Variants in NRG1 observed in about 807,000 individuals in gnomAD.
NRG1 encodes pro-neuregulin-1, membrane-bound isoform.
A neutral mutation model predicts 63.8 loss-of-function variants in NRG1; 18 were observed. The ratio of observed to expected loss-of-function variants is 0.28; its 90% confidence interval spans 0.19 to 0.42. The LOEUF is 0.42. NRG1 is among the 10% of genes least tolerant of loss of function. NRG1 has a pLI of 1.00. For missense variants in NRG1, 762 were observed against 814.7 expected (o/e 0.94, Z 0.79); for synonymous variants, 302 against 301.3 (o/e 1.00, Z -0.02).
chr8:32,510,561 A>G (rs992193397), intron 1 of NRG1, among the ~76,000 whole-genome samples: 1 of 152,084 alleles, frequency 6.6e-6, no homozygotes, highest in Non-Finnish European at 1.5e-5. Context: ...ATGGAACATC[A>G]CCTCTATTCC....
intron 1 of NRG1, among the ~76,000 whole-genome samples, chr8:32,016,493 A>G (rs1815560903): frequency 6.6e-6 from 1 of 152,208 alleles, no homozygotes; most frequent in South Asian, 2.1e-4. Flanking sequence ...GTTTTGACCA[A>G]TATAATTCAG....
chr8:32,357,099 T>A (rs993807561), intron 1 of NRG1, among the ~76,000 whole-genome samples: 3 of 152,116 alleles, frequency 2.0e-5, no homozygotes, highest in African/African-American at 7.2e-5. Flanking sequence ...GAGGCTGGCC[T>A]GGGGGAAAAG....
chr8:31,876,666 T>G (rs897510337), intron 1 of NRG1, among the ~76,000 whole-genome samples: 1 of 152,138 alleles, frequency 6.6e-6, no homozygotes, highest in African/African-American at 2.4e-5. Flanking sequence ...TAATAAATAT[T>G]GCTTGGGAGG....
At chr8:32,314,116 T>G (rs1372434683) in intron 1 of NRG1, among the ~76,000 whole-genome samples, 1 of 152,044 alleles carries the variant, frequency 6.6e-6, no homozygotes, top group Non-Finnish European at 1.5e-5. Context: ...TCTGTTTGGT[T>G]GCACTTAGCC....
chr8:32,337,296 T>G (rs1463662198), intron 1 of NRG1, among the ~76,000 whole-genome samples: 3 of 152,078 alleles, frequency 2.0e-5, no homozygotes, highest in African/African-American at 4.8e-5. Context: ...CATACATGAA[T>G]GCACCTGGCC....
chr8:32,083,340 T>C (rs4733293), intron 1 of NRG1, among the ~76,000 whole-genome samples: 148,026 of 152,318 alleles, frequency 0.97, 72,073 homozygotes, highest in East Asian at 1. Flanking sequence ...GTGTGTTGGG[T>C]TGGCCTTGCA....
chr8:31,959,683 G>T lies in NRG1; in HGVS notation c.37+320252G>T, dbSNP rs534670538. 3.3e-5 allele frequency among the ~76,000 whole-genome samples: 5 copies of T among 152,030 alleles called. No individual in the cohort carries two copies. In the South Asian group the frequency reaches 8.3e-4, roughly 25 times the overall value. ...TAAGCATTTTGAAATATTAAGCATA[G>T]CCTGCTGGCCCCAAATGACATTTTT... On this transcript the variant is annotated intron_variant, in intron 1 of 10. Coordinates refer to the NRG1 transcript ENST00000519301.
intron 1 of NRG1, among the ~76,000 whole-genome samples, chr8:32,540,971 A>G (rs1051798740): frequency 1.3e-5 from 2 of 152,210 alleles, no homozygotes; most frequent in African/African-American, 4.8e-5. Flanking sequence ...ATCATCTTTA[A>G]AAGATGACTT....
chr8:31,840,386 C>T (rs1246085838), intron 1 of NRG1, among the ~76,000 whole-genome samples: 1 of 115,292 alleles, frequency 8.7e-6, no homozygotes, highest in African/African-American at 3.3e-5. Context: ...TAAATGGAAA[C>T]CATTACAATT....
rs544516488 is a variant in NRG1, at chr8:32,654,648, C to G, written c.502+37763C>G. Reference sequence around the variant, plus strand: ...TGCCTCAAAAAAAAAATAATTTTACCTTTATAATATTGATATGTATAAGAC... The same window carrying G: ...TGCCTCAAAAAAAAAATAATTTTACGTTTATAATATTGATATGTATAAGAC... On this transcript the variant is annotated intron_variant, in intron 5 of 11. Transcript: ENST00000356819. 3.8e-3 allele frequency among the ~76,000 whole-genome samples: 274 copies of G among 72,678 alleles called. 1 individual carries two copies. The highest frequency in any genetic ancestry group is 0.012 in the African/African-American group (261 of 21,468). 47.7% of individuals were successfully genotyped at this position (72,678 alleles called of 152,430 possible). A position where few individuals can be genotyped will look rare whatever the true frequency, so the allele number is the denominator to read the frequency against.
intron 1 of NRG1, among the ~76,000 whole-genome samples, chr8:31,759,942 C>T (rs1236221794): frequency 6.6e-6 from 1 of 152,108 alleles, no homozygotes; most frequent in East Asian, 1.9e-4. Context: ...AATGTATTCA[C>T]AAGCGTTTTC....
chr8:32,191,271 G>T (rs894351961), intron 1 of NRG1, among the ~76,000 whole-genome samples: 2 of 151,972 alleles, frequency 1.3e-5, no homozygotes, highest in African/African-American at 2.4e-5. Flanking sequence ...TTTTAGCAGG[G>T]ACAGGGTTTC....
chr8:31,980,505 G>A (rs901039177), intron 1 of NRG1, among the ~76,000 whole-genome samples: 1 of 151,940 alleles, frequency 6.6e-6, no homozygotes, highest in Non-Finnish European at 1.5e-5. Context: ...TTACATTTTG[G>A]CTTAGAAAAT....
chr8:31,655,466 G>A (rs1370364993), intron 1 of NRG1, among the ~76,000 whole-genome samples: 2 of 152,150 alleles, frequency 1.3e-5, no homozygotes, highest in Non-Finnish European at 2.9e-5. Flanking sequence ...AGGAGGAGAG[G>A]AAAGATTTGC....
chr8:32,488,930 T>C (rs1052964616), intron 1 of NRG1, among the ~76,000 whole-genome samples: 2 of 152,106 alleles, frequency 1.3e-5, no homozygotes, highest in Non-Finnish European at 2.9e-5. Flanking sequence ...GGATAAAAAC[T>C]TCATTGAGGG....
intron 1 of NRG1, among the ~76,000 whole-genome samples, chr8:32,553,121 A>T (rs998642865): frequency 4.6e-5 from 7 of 152,292 alleles, no homozygotes; most frequent in African/African-American, 1.7e-4. Flanking sequence ...TTCCTTAAAT[A>T]TGTAGTCATG....
chr8:31,949,044 A>G (rs1303881350), intron 1 of NRG1, among the ~76,000 whole-genome samples: 8 of 152,234 alleles, frequency 5.3e-5, no homozygotes, highest in South Asian at 2.1e-4. Context: ...GGATGACACA[A>G]AAAAACTATA....
intron 1 of NRG1, among the ~76,000 whole-genome samples, chr8:32,580,749 G>A (rs1350509655): frequency 6.6e-6 from 1 of 152,164 alleles, no homozygotes; most frequent in Non-Finnish European, 1.5e-5. Context: ...ATAGTGTAAT[G>A]CAGTACTGAG....
intron 1 of NRG1, among the ~76,000 whole-genome samples, chr8:32,290,667 C>T (rs1314755867): frequency 6.6e-6 from 1 of 152,186 alleles, no homozygotes; most frequent in African/African-American, 2.4e-5. Flanking sequence ...CTACACATTA[C>T]TAAACCTTCT....
Sources: gnomAD v4.1 joint callset for allele counts (sites outside exome capture counted in the v4.1 genomes callset) on GRCh38, gnomAD v4.1.1 for gene constraint, MANE v1.5 for transcripts, NCBI Gene and HGNC (gene_info 2026-07-23, HGNC 2026-07-21) for gene names.